IGF2BP2: variants seen among roughly 807,000 people sequenced by gnomAD.
The protein encoded by IGF2BP2 is insulin like growth factor 2 mRNA binding protein 2.
Under a neutral mutation model 75.8 loss-of-function variants are expected in IGF2BP2, and 17 were observed. The observed-to-expected ratio is 0.22, with a 90% CI of 0.15 to 0.34. The LOEUF (loss-of-function observed/expected upper bound fraction) is 0.34, where lower values mean the gene tolerates loss of function less well. Ranked by LOEUF, IGF2BP2 falls within the 10% of genes least tolerant of loss-of-function variation. The pLI, the probability that IGF2BP2 is intolerant of heterozygous loss-of-function variation, is 1.00. For synonymous variants in IGF2BP2, 288 were observed against 295.6 expected, an observed-to-expected ratio of 0.97 and a Z score of 0.26; for missense variants, 516 against 772.4, an observed-to-expected ratio of 0.67 and a Z score of 3.93.
chr3:185,714,468 G>T (rs1725295959), intron 2 of IGF2BP2, among the ~76,000 whole-genome samples: 1 of 152,136 alleles, frequency 6.6e-6, no homozygotes, highest in Admixed American at 6.5e-5. Flanking sequence ...CCTAAAAGTG[G>T]AACAGTTATT....
intron 2 of IGF2BP2, among the ~76,000 whole-genome samples, chr3:185,741,229 A>G (rs565369776): frequency 3.9e-5 from 6 of 152,140 alleles, no homozygotes; most frequent in Admixed American, 3.9e-4. Flanking sequence ...AAATACTCCA[A>G]TAGCATATAA....
intron 2 of IGF2BP2, among the ~76,000 whole-genome samples, chr3:185,803,765 G>T (rs1187013166): frequency 1.3e-5 from 2 of 152,166 alleles, no homozygotes; most frequent in African/African-American, 4.8e-5. Context: ...TTAAAGGGGG[G>T]TAGGGGTACT....
At chr3:185,678,333 G>A (rs1421395303) in intron 7 of IGF2BP2, among the ~76,000 whole-genome samples, 1 of 152,182 alleles carries the variant, frequency 6.6e-6, no homozygotes, top group Non-Finnish European at 1.5e-5. Flanking sequence ...GCCAACCAAG[G>A]ACACCATGTG....
intron 2 of IGF2BP2, among the ~76,000 whole-genome samples, chr3:185,755,154 G>A: frequency 6.6e-6 from 1 of 152,208 alleles, no homozygotes; most frequent in East Asian, 1.9e-4. Flanking sequence ...GGCCTAAGGA[G>A]GAAAGAACGG....
At chr3:185,739,814 T>C (rs1340588621) in intron 2 of IGF2BP2, among the ~76,000 whole-genome samples, 6 of 151,900 alleles carry the variant, frequency 3.9e-5, no homozygotes, top group African/African-American at 1.2e-4. Flanking sequence ...TAAAAATAAA[T>C]ATACCATCAA....
intron 2 of IGF2BP2, among the ~76,000 whole-genome samples, chr3:185,723,606 C>A (rs1726889419): frequency 6.6e-6 from 1 of 152,304 alleles, no homozygotes; most frequent in South Asian, 2.1e-4. Flanking sequence ...TGGGCCAAGC[C>A]CCTCAGGAGG....
intron 7 of IGF2BP2, among the ~76,000 whole-genome samples, chr3:185,679,317 A>G (rs1489099698): frequency 1.3e-5 from 2 of 151,792 alleles, no homozygotes; most frequent in Non-Finnish European, 2.9e-5. Flanking sequence ...AAACATCTTA[A>G]AGTCATAGCA....
rs1713660834 is a variant in IGF2BP2, at chr3:185,646,890, G to C, written c.1707+135C>G. The C allele has an allele frequency of 1.8e-5, 12 of 677,020 alleles. No individual in the cohort carries two copies. The East Asian group carries it at 3.2e-4, about 18-fold the overall frequency. 41.9% of individuals were successfully genotyped at this position (677,020 alleles called of 1,614,324 possible). On this transcript the variant is annotated intron_variant, in intron 15 of 15. Transcript: ENST00000382199. ...CCCGGGGGCCATCCCTAAAGAGCCA[G>C]GAAGAACCAGGGAGAGGTTCCATCT...
At chr3:185,742,794 A>C (rs1018013019) in intron 2 of IGF2BP2, among the ~76,000 whole-genome samples, 1 of 152,206 alleles carries the variant, frequency 6.6e-6, no homozygotes, top group African/African-American at 2.4e-5. Context: ...AAATGCTCTC[A>C]TATTTGCATT....
At chr3:185,668,487 C>CGAGAGA (rs1274930634) in intron 10 of IGF2BP2, among the ~76,000 whole-genome samples, 6 of 124,820 alleles carry the variant, frequency 4.8e-5, no homozygotes, top group Non-Finnish European at 6.8e-5. Context: ...TTCATTTGTT[C>CGAGAGA]GAGAGAGAGA....
intron 15 of IGF2BP2, among the ~76,000 whole-genome samples, chr3:185,646,607 A>G (rs1254939122): frequency 2.0e-5 from 3 of 152,198 alleles, no homozygotes; most frequent in East Asian, 3.9e-4. Context: ...TGCCGTGAGC[A>G]TGTAGTCTTT....
At chr3:185,667,421 T>C (rs1717816916) in intron 10 of IGF2BP2, among the ~76,000 whole-genome samples, 1 of 152,014 alleles carries the variant, frequency 6.6e-6, no homozygotes, top group Non-Finnish European at 1.5e-5. Context: ...GGCTGTAGTG[T>C]GCTATAATTG....
chr3:185,797,748 C>A (rs1430015425), intron 2 of IGF2BP2, among the ~76,000 whole-genome samples: 4 of 149,586 alleles, frequency 2.7e-5, no homozygotes, highest in African/African-American at 9.9e-5. Context: ...ACAAAAAAAA[C>A]AAAAAAATTA....
At chr3:185,703,155 CAAACTG>C (rs975792821) in intron 2 of IGF2BP2, among the ~76,000 whole-genome samples, 6 of 152,208 alleles carry the variant, frequency 3.9e-5, no homozygotes, top group Admixed American at 2.6e-4. Flanking sequence ...TGTGGACTAT[CAAACTG>C]TAAAGAACTA....
intron 2 of IGF2BP2, chr3:185,718,239 A>G (rs1488873653): frequency 6.6e-6 from 1 of 152,236 alleles, no homozygotes; most frequent in Non-Finnish European, 1.5e-5. Context: ...GACACAAACC[A>G]TATGGGCCAC....
At chr3:185,820,397 T>G (rs1020547629) in intron 2 of IGF2BP2, among the ~76,000 whole-genome samples, 5 of 152,000 alleles carry the variant, frequency 3.3e-5, no homozygotes, top group African/African-American at 1.2e-4. Context: ...TTTGACCATA[T>G]GTACTACCAA....
chr3:185,802,918 C>A (rs569701199), intron 2 of IGF2BP2, among the ~76,000 whole-genome samples: 75 of 152,338 alleles, frequency 4.9e-4, no homozygotes, highest in African/African-American at 1.8e-3. Context: ...ACCCGCCCGG[C>A]CAGTTATCCT....
chr3:185,756,814 T>G (rs1731683030), intron 2 of IGF2BP2, among the ~76,000 whole-genome samples: 1 of 152,010 alleles, frequency 6.6e-6, no homozygotes, highest in Admixed American at 6.6e-5. Context: ...CTCTACAAAA[T>G]TAAAACAAAA....
At chr3:185,687,780 T>C (rs1721354564) in intron 6 of IGF2BP2, among the ~76,000 whole-genome samples, 2 of 152,262 alleles carry the variant, frequency 1.3e-5, no homozygotes, top group African/African-American at 4.8e-5. Context: ...GTTGTGGTCC[T>C]ACCTGTTTTT....
Sources: allele counts gnomAD v4.1 joint callset (sites outside exome capture counted in the v4.1 genomes callset), GRCh38; gene constraint gnomAD v4.1.1; transcripts MANE v1.5; gene names NCBI Gene and HGNC (gene_info 2026-07-23, HGNC 2026-07-21).